The following CFAP276 variants were observed in gnomAD, a reference collection of about 807,000 sequenced individuals.
CFAP276 encodes the protein cilia- and flagella-associated protein 276.
the CFAP276 span, chr1:109,106,480 A>C: frequency 6.3e-7 from 1 of 1,589,452 alleles, no homozygotes; most frequent in Non-Finnish European, 8.6e-7. Context: ...TCATGGGTCC[A>C]TTTAGAAAGA....
At chr1:109,113,416 A>AGAGAGAGGAGAGAG in the CFAP276 span, among the ~76,000 whole-genome samples, 4 of 68,080 alleles carry the variant, frequency 5.9e-5, no homozygotes, top group Non-Finnish European at 2.6e-5. Flanking sequence ...GAGAGAGAGA[A>AGAGAGAGGAGAGAG]AGAGAGAGAG....
At chr1:109,108,137 GTT>G in the CFAP276 span, 2 of 881,984 alleles carry the variant, frequency 2.3e-6, no homozygotes, top group Non-Finnish European at 3.7e-6. Context: ...CCAGTTTTGT[GTT>G]TTTTGTTTTG....
chr1:109,109,962 G>A, the CFAP276 span, among the ~76,000 whole-genome samples: 1 of 152,112 alleles, frequency 6.6e-6, no homozygotes, highest in African/African-American at 2.4e-5. Context: ...CTTTGATGTG[G>A]CCCTGAGCAG....
chr1:109,113,583 G>A, the CFAP276 span: 8 of 1,588,464 alleles, frequency 5.0e-6, no homozygotes, highest in Non-Finnish European at 6.9e-6. Flanking sequence ...GGATGGATTT[G>A]GCGGGATGTA....
chr1:109,112,146 T>C, the CFAP276 span, among the ~76,000 whole-genome samples: 1 of 152,198 alleles, frequency 6.6e-6, no homozygotes, highest in East Asian at 1.9e-4. Context: ...TCCACCATCA[T>C]GCTAAACACA....
At chr1:109,107,993 T>C in the CFAP276 span, 1 of 1,588,826 alleles carries the variant, frequency 6.3e-7, no homozygotes, top group Non-Finnish European at 8.6e-7. Flanking sequence ...GACTCCAGGG[T>C]TCCTGCTGCT....
the CFAP276 span, chr1:109,112,897 A>G: frequency 1.5e-6 from 1 of 648,652 alleles, no homozygotes; most frequent in South Asian, 2.8e-5. Context: ...GGGACTGCAG[A>G]GGGAACGTTC....
At chr1:109,113,451 A>AGAGAGAGAGAGAGAGAGAGGGAGT in the CFAP276 span, among the ~76,000 whole-genome samples, 23 of 120,428 alleles carry the variant, frequency 1.9e-4, no homozygotes, top group East Asian at 2.4e-3. Context: ...AGAGAGAGAG[A>AGAGAGAGAGAGAGAGAGAGGGAGT]GAGAGAGAGA....
chr1:109,106,436 C>T, the CFAP276 span: 1 of 1,441,818 alleles, frequency 6.9e-7, no homozygotes. Context: ...TATCCTTCAT[C>T]TTCCCTACTG....
chr1:109,108,732 G>A, the CFAP276 span, among the ~76,000 whole-genome samples: 1 of 152,206 alleles, frequency 6.6e-6, no homozygotes, highest in African/African-American at 2.4e-5. Flanking sequence ...GAGCTCAGAA[G>A]TCTTGGTTGT....
the CFAP276 span, chr1:109,106,472 A>G: frequency 3.8e-6 from 6 of 1,570,888 alleles, no homozygotes; most frequent in Non-Finnish European, 5.2e-6. Context: ...TCCCTGATTC[A>G]TGGGTCCATT....
chr1:109,113,588 G>A, the CFAP276 span: 6 of 1,599,392 alleles, frequency 3.8e-6, no homozygotes, highest in Admixed American at 1.7e-5. Context: ...GATTTGGCGG[G>A]ATGTAAGATC....
the CFAP276 span, chr1:109,107,789 G>A: frequency 1.5e-6 from 1 of 675,384 alleles, no homozygotes; most frequent in Non-Finnish European, 2.5e-6. Flanking sequence ...GAGGCAGGAG[G>A]ATTGCCTGAG....
At chr1:109,110,758 T>C in the CFAP276 span, among the ~76,000 whole-genome samples, 1 of 152,222 alleles carries the variant, frequency 6.6e-6, no homozygotes, top group East Asian at 1.9e-4. Context: ...CTCTCAATCC[T>C]GTTGCCTACT....
the CFAP276 span, chr1:109,107,216 G>A: frequency 1.1e-6 from 1 of 905,578 alleles, no homozygotes; most frequent in Non-Finnish European, 1.8e-6. Context: ...CAAAAGTATA[G>A]TGAAGGCTCT....
At chr1:109,106,155 G>T in the CFAP276 span, 1 of 1,470,720 alleles carries the variant, frequency 6.8e-7, no homozygotes, top group South Asian at 1.2e-5. Context: ...GCCTTTTCTA[G>T]GAAACTTTAA....
chr1:109,108,114 C>G, the CFAP276 span: 1 of 987,972 alleles, frequency 1.0e-6, no homozygotes, highest in South Asian at 1.3e-5. Flanking sequence ...TCAGTAGCAT[C>G]CCCTTATTCC....
At chr1:109,106,367 G>A in the CFAP276 span, among the ~76,000 whole-genome samples, 1 of 152,152 alleles carries the variant, frequency 6.6e-6, no homozygotes, top group African/African-American at 2.4e-5. Flanking sequence ...TAGTCAGCAT[G>A]TCCCCTGGTA....
chr1:109,108,054 G>A, the CFAP276 span: 42 of 1,520,068 alleles, frequency 2.8e-5, 2 homozygotes, highest in Admixed American at 1.0e-4. Flanking sequence ...AAGAGAAACC[G>A]TATCCAGGAC....
Sources: gnomAD v4.1 joint callset for allele counts (sites outside exome capture counted in the v4.1 genomes callset) on GRCh38, gnomAD v4.1.1 for gene constraint, MANE v1.5 for transcripts, NCBI Gene and HGNC (gene_info 2026-07-23, HGNC 2026-07-21) for gene names.